RGS3: variants seen among roughly 807,000 people sequenced by gnomAD.
The protein encoded by RGS3 is regulator of G-protein signalling 3.
RGS3 carries 80 observed loss-of-function variants against 132.6 expected under a neutral mutation model. That is an observed-to-expected ratio of 0.60 (90% CI 0.50 to 0.73). The LOEUF (loss-of-function observed/expected upper bound fraction) is 0.73. Ranked by LOEUF, RGS3 falls within the 30% of genes least tolerant of loss-of-function variation. The probability of loss-of-function intolerance (pLI) is 0.00; values close to 1 mark genes in which losing one functional copy is unlikely to be tolerated. For missense variants in RGS3, 1,382 were observed against 1,530.8 expected, an observed-to-expected ratio of 0.90 and a Z score of 1.62; for synonymous variants, 598 against 620.6, an observed-to-expected ratio of 0.96 and a Z score of 0.54.
rs1831197741 is a variant in RGS3 at position 113,507,670 on chromosome 9, G to A, written c.1437+32G>A. The A allele has an allele frequency of 3.5e-6, 5 of 1,424,224 alleles. No individual in the cohort carries two copies. The highest frequency in any genetic ancestry group is 4.6e-6 in the Non-Finnish European group (5 of 1,080,984). The allele number at this position is 1,424,224 out of a possible 1,614,324, so 88.2% of individuals were successfully genotyped here. ...ACAGCTGGTGTGGGGAAGGTGAAGGGTACTGGGTCCCTGTGGGAGGCCAGG... is the reference window on the plus strand; with the variant it reads ...ACAGCTGGTGTGGGGAAGGTGAAGGATACTGGGTCCCTGTGGGAGGCCAGG... On this transcript the variant is annotated intron_variant, in intron 13 of 24. Transcript: ENST00000350696. This position sits in a 1 kb window ranked among gnomAD's most constrained non-coding sequence, Gnocchi z 5.0.
chr9:113,449,221 G>C (rs958864102), intron 1 of RGS3, among the ~76,000 whole-genome samples: 6 of 152,142 alleles, frequency 3.9e-5, no homozygotes. Flanking sequence ...GAGGTGATCA[G>C]GGCCTGAATT....
chr9:113,447,361 A>ATATC (rs1554751008), intron 1 of RGS3, among the ~76,000 whole-genome samples: 9 of 118,390 alleles, frequency 7.6e-5, no homozygotes, highest in African/African-American at 2.8e-4. Flanking sequence ...ATATATATAT[A>ATATC]GGCAAGGGTT....
At chr9:113,492,536 G>A (rs1420802947) in intron 7 of RGS3, among the ~76,000 whole-genome samples, 4 of 152,196 alleles carry the variant, frequency 2.6e-5, no homozygotes, top group African/African-American at 7.2e-5. Flanking sequence ...AACCGTGGAC[G>A]TGATGGATTC....
At chr9:113,547,633 T>C (rs1291798601) in intron 19 of RGS3, among the ~76,000 whole-genome samples, 2 of 152,254 alleles carry the variant, frequency 1.3e-5, no homozygotes, top group African/African-American at 2.4e-5. Flanking sequence ...CTAATATGTA[T>C]GCAAGTACAT....
chr9:113,455,903 G>T (rs1168537833), upstream of RGS3, among the ~76,000 whole-genome samples: 1 of 152,148 alleles, frequency 6.6e-6, no homozygotes, highest in Non-Finnish European at 1.5e-5. Flanking sequence ...GTCTGGCTTT[G>T]AGTCCAGGGT....
chr9:113,561,975 C>T (rs1470595142), intron 19 of RGS3, among the ~76,000 whole-genome samples: 1 of 152,190 alleles, frequency 6.6e-6, no homozygotes. Flanking sequence ...GCCAACCTGT[C>T]TGAACAGTGT....
exon 11 of RGS3, chr9:113,505,514 G>A (rs374163986): frequency 5.6e-6 from 9 of 1,613,856 alleles, no homozygotes; most frequent in African/African-American, 1.3e-5. Flanking sequence ...AGTCCAGGCC[G>A]TGGATTCCGG....
At chr9:113,543,656 C>T (rs1433898302) in intron 19 of RGS3, among the ~76,000 whole-genome samples, 1 of 152,230 alleles carries the variant, frequency 6.6e-6, no homozygotes, top group African/African-American at 2.4e-5. Context: ...GGGAAGGCAG[C>T]AAGCTCATCT....
At chr9:113,554,846 G>A (rs1833502802) in intron 19 of RGS3, among the ~76,000 whole-genome samples, 1 of 151,656 alleles carries the variant, frequency 6.6e-6, no homozygotes, top group Admixed American at 6.6e-5. Context: ...AAGTTTTTTT[G>A]GGGGGTTGAG....
At chr9:113,501,425 G>A in intron 10 of RGS3, 1 of 1,472,636 alleles carries the variant, frequency 6.8e-7, no homozygotes, top group South Asian at 1.3e-5. Flanking sequence ...CACAGACAGG[G>A]CTTGGGGAGG....
chr9:113,580,309 G>T (rs1175627897), intron 19 of RGS3, among the ~76,000 whole-genome samples: 2 of 152,242 alleles, frequency 1.3e-5, no homozygotes, highest in African/African-American at 4.8e-5. Flanking sequence ...GAGAGACCCT[G>T]GGCAGGAGAT....
At chr9:113,574,636 G>A (rs1834429726) in intron 19 of RGS3, among the ~76,000 whole-genome samples, 1 of 152,240 alleles carries the variant, frequency 6.6e-6, no homozygotes, top group Non-Finnish European at 1.5e-5. Context: ...GTCTTGGCAG[G>A]GGAGCAGAGA....
At chr9:113,499,956 C>G (rs1168209207) in intron 10 of RGS3, among the ~76,000 whole-genome samples, 2 of 152,192 alleles carry the variant, frequency 1.3e-5, no homozygotes, top group East Asian at 3.8e-4. Flanking sequence ...AAGACCTTTC[C>G]TCCTCTCTTT....
intron 8 of RGS3, among the ~76,000 whole-genome samples, chr9:113,496,835 G>A (rs1830698983): frequency 6.6e-6 from 1 of 152,162 alleles, no homozygotes; most frequent in Admixed American, 6.5e-5. Context: ...ACAGGTGTGA[G>A]CCACCGCGCC....
intron 19 of RGS3, among the ~76,000 whole-genome samples, chr9:113,550,693 T>C (rs576502857): frequency 1.1e-4 from 17 of 152,246 alleles, no homozygotes; most frequent in Admixed American, 5.2e-4. Context: ...TATTGTTACA[T>C]TTTTAAATAG....
At chr9:113,497,945 G>T (rs1340684278) in intron 9 of RGS3, 80 bp from the exon 8 acceptor site, 2 of 1,463,274 alleles carry the variant, frequency 1.4e-6, no homozygotes, top group African/African-American at 1.4e-5. Flanking sequence ...CTGTTTCCCA[G>T]TGCTGTCCTC....
chr9:113,530,387 C>G (rs1832412803), intron 18 of RGS3, among the ~76,000 whole-genome samples: 1 of 152,234 alleles, frequency 6.6e-6, no homozygotes, highest in Non-Finnish European at 1.5e-5. Flanking sequence ...AAATACAGAC[C>G]TGAGGGCCAA....
intron 18 of RGS3, among the ~76,000 whole-genome samples, chr9:113,535,019 G>A (rs1327939889): frequency 1.3e-5 from 2 of 152,118 alleles, no homozygotes; most frequent in Non-Finnish European, 2.9e-5. Context: ...TTGTTTATTT[G>A]TATAAATAAC....
intron 19 of RGS3, among the ~76,000 whole-genome samples, chr9:113,551,665 A>G (rs146747925): frequency 0.016 from 2,380 of 151,990 alleles, 30 homozygotes; most frequent in Non-Finnish European, 0.023. Flanking sequence ...CCTGGGCAAC[A>G]TGGTGAAAAC....
Sources: gnomAD v4.1 joint callset for allele counts (sites outside exome capture counted in the v4.1 genomes callset) on GRCh38, gnomAD v4.1.1 for gene constraint, Gnocchi (gnomAD v3.1) non-coding constraint, MANE v1.5 for transcripts, NCBI Gene and HGNC (gene_info 2026-07-23, HGNC 2026-07-21) for gene names.